The following MAST2 variants were observed in gnomAD, a reference collection of about 807,000 sequenced individuals.
The protein encoded by MAST2 is microtubule-associated serine/threonine-protein kinase 2.
Under a neutral mutation model 147.4 loss-of-function variants are expected in MAST2, and 70 were observed. The ratio of observed to expected loss-of-function variants is 0.47; its 90% confidence interval spans 0.39 to 0.58. The LOEUF is 0.58. Ranked by LOEUF, MAST2 falls within the 20% of genes least tolerant of loss-of-function variation. MAST2 has a pLI of 0.00. For synonymous variants in MAST2, 869 were observed against 896.8 expected, an observed-to-expected ratio of 0.97 and a Z score of 0.55; for missense variants, 2,080 against 2,302.3, an observed-to-expected ratio of 0.90 and a Z score of 1.98.
At chr1:45,830,884 A>AT (rs1465001831) in intron 3 of MAST2, among the ~76,000 whole-genome samples, 3 of 151,976 alleles carry the variant, frequency 2.0e-5, no homozygotes, top group Non-Finnish European at 4.4e-5. Context: ...CATAAAAAAA[A>AT]AATTAGCCGA....
intron 4 of MAST2, among the ~76,000 whole-genome samples, chr1:45,948,686 G>GAC (rs904631970): frequency 1.7e-5 from 2 of 115,568 alleles, no homozygotes; most frequent in African/African-American, 7.0e-5. Context: ...CAGCCTGGGC[G>GAC]ACAGAGTGAG....
rs747841990 is a variant in MAST2, at chr1:46,010,911, A to C, written c.1160A>C (p.Gln387Pro). Residue 387 changes from glutamine (Q) to proline (P), a missense_variant, in exon 10 of 29, where the codon CAA becomes CCA. Physicochemically the swap from Gln to Pro is moderately conservative, Grantham distance 76 (BLOSUM62 -1). Around this residue, in one of 4 missense-constraint regions of MAST2, gnomAD observed 569 missense variants for 642.5 expected, o/e 0.89. Coordinates refer to ENST00000361297, the MANE Select transcript of MAST2 (RefSeq NM_015112.3). ...ACATCACAATACTTCTACGAACTTCAAGATAATTTGGAGAAACTTTTACAA... is the reference window on the plus strand; with the variant it reads ...ACATCACAATACTTCTACGAACTTCCAGATAATTTGGAGAAACTTTTACAA... ...LITSQYFYEL[Q>P]DNLEKLLQDA... 1.2e-6 allele frequency: 2 copies of C among 1,614,126 alleles called. No homozygotes were observed. Among genetic ancestry groups the C allele is most frequent in the Middle Eastern group, 1.6e-4 (1 of 6,062 alleles).
At chr1:45,924,122 G>A (rs1259657425) in intron 4 of MAST2, among the ~76,000 whole-genome samples, 1 of 152,118 alleles carries the variant, frequency 6.6e-6, no homozygotes, top group Non-Finnish European at 1.5e-5. Context: ...GCCCACTTCA[G>A]CCTCCCAAAG....
At chr1:45,966,595 A>T (rs952733492) in intron 5 of MAST2, among the ~76,000 whole-genome samples, 1 of 152,096 alleles carries the variant, frequency 6.6e-6, no homozygotes, top group Non-Finnish European at 1.5e-5. Context: ...GGTGGTGTGC[A>T]CCTGTAATCC....
At chr1:45,990,579 A>C (rs1173312540) in intron 5 of MAST2, among the ~76,000 whole-genome samples, 2 of 152,058 alleles carry the variant, frequency 1.3e-5, no homozygotes, top group African/African-American at 2.4e-5. Context: ...CTACAGCCCA[A>C]GCTCAAATGA....
At chr1:45,905,476 C>T (rs1650535880) in intron 4 of MAST2, among the ~76,000 whole-genome samples, 1 of 151,988 alleles carries the variant, frequency 6.6e-6, no homozygotes. Context: ...CATGTTTAAT[C>T]TTTTAAAAAA....
intron 5 of MAST2, among the ~76,000 whole-genome samples, chr1:45,986,437 C>T (rs939772227): frequency 1.3e-5 from 2 of 151,944 alleles, no homozygotes; most frequent in African/African-American, 2.4e-5. Flanking sequence ...TCGTTTATGC[C>T]GGGCACGGTG....
Position 46,029,896 on chromosome 1 carries a change from C to G in MAST2, c.2386C>G (p.Gln796Glu), listed in dbSNP as rs1305015973. Residue 796 changes from glutamine to glutamate, a missense_variant, in exon 20 of 29, where the codon CAG becomes GAG. Gln to Glu is a conservative substitution (Grantham distance 29, BLOSUM62 2). Around this residue, in one of 4 missense-constraint regions of MAST2, gnomAD observed 1,278 missense variants for 1,304.2 expected, o/e 0.98. Coordinates refer to ENST00000361297, the MANE Select transcript of MAST2 (RefSeq NM_015112.3). ...TCTGGACTGGACAGGACTTCTCCGCCAGAAGGCTGAATTTATTCCTCAGTT... is the reference window on the plus strand; with the variant it reads ...TCTGGACTGGACAGGACTTCTCCGCGAGAAGGCTGAATTTATTCCTCAGTT... ...TGLDWTGLLR[Q>E]KAEFIPQLES... 3.1e-6 allele frequency: 5 copies of G among 1,614,182 alleles called. No homozygotes were observed. The highest frequency in any genetic ancestry group is 3.4e-6 in the Non-Finnish European group (4 of 1,180,028).
At chr1:45,926,129 A>G (rs1654323887) in intron 4 of MAST2, among the ~76,000 whole-genome samples, 1 of 152,184 alleles carries the variant, frequency 6.6e-6, no homozygotes, top group African/African-American at 2.4e-5. Context: ...ACTTGTTCTT[A>G]TCCTGGCCCT....
intron 4 of MAST2, among the ~76,000 whole-genome samples, chr1:45,925,042 C>G (rs1307844998): frequency 1.3e-5 from 2 of 152,198 alleles, no homozygotes; most frequent in Non-Finnish European, 2.9e-5. Context: ...ACCAACACAG[C>G]TATTGAGGCA....
At chr1:45,893,092 C>T (rs963299726) in intron 4 of MAST2, among the ~76,000 whole-genome samples, 3 of 152,040 alleles carry the variant, frequency 2.0e-5, no homozygotes, top group African/African-American at 7.2e-5. Flanking sequence ...TTATAAAACT[C>T]CAGTCCTATA....
chr1:45,889,665 A>C (rs1441066003), intron 4 of MAST2, among the ~76,000 whole-genome samples: 3 of 151,656 alleles, frequency 2.0e-5, no homozygotes, highest in East Asian at 2.0e-4. Flanking sequence ...GAGTACAGTG[A>C]CGCAATCTTG....
intron 4 of MAST2, among the ~76,000 whole-genome samples, chr1:45,902,702 C>G (rs1649989993): frequency 1.3e-5 from 2 of 151,564 alleles, no homozygotes; most frequent in African/African-American, 4.9e-5. Flanking sequence ...CTTCCTGGTT[C>G]ATTCTTAAGA....
chr1:45,846,490 G>C (rs1415543548), intron 3 of MAST2, among the ~76,000 whole-genome samples: 1 of 152,044 alleles, frequency 6.6e-6, no homozygotes, highest in Non-Finnish European at 1.5e-5. Context: ...ATCTATTTTA[G>C]CAACTTAATA....
At chr1:45,999,375 G>A (rs551347085) in intron 6 of MAST2, among the ~76,000 whole-genome samples, 1 of 152,240 alleles carries the variant, frequency 6.6e-6, no homozygotes, top group South Asian at 2.1e-4. Context: ...CAACCCAGCT[G>A]GAAAGACTTA....
intron 4 of MAST2, among the ~76,000 whole-genome samples, chr1:45,936,664 A>G (rs1434290407): frequency 6.6e-6 from 1 of 152,068 alleles, no homozygotes; most frequent in Non-Finnish European, 1.5e-5. Context: ...TACCCCATGA[A>G]AGACTGGCAC....
intron 10 of MAST2, among the ~76,000 whole-genome samples, chr1:46,013,691 A>G (rs1458903003): frequency 6.6e-6 from 1 of 152,072 alleles, no homozygotes; most frequent in African/African-American, 2.4e-5. Context: ...AAAAAAAAAA[A>G]AAAGAAAAGA....
At chr1:45,831,228 A>G (rs534283808) in intron 3 of MAST2, among the ~76,000 whole-genome samples, 148 of 152,160 alleles carry the variant, frequency 9.7e-4, no homozygotes, top group Middle Eastern at 3.4e-3. Context: ...TGTTCCCTCT[A>G]TCCTTAGGTC....
chr1:46,034,481 T>C (rs562375462), intron 28 of MAST2, 57 bp from the exon 29 acceptor site: 166 of 1,546,986 alleles, frequency 1.1e-4, no homozygotes, highest in Non-Finnish European at 1.4e-4. Context: ...TTGAGTCACT[T>C]CTAACAGCTA....
Sources: allele counts gnomAD v4.1 joint callset (sites outside exome capture counted in the v4.1 genomes callset), GRCh38; gene constraint gnomAD v4.1.1; regional missense constraint gnomAD v4.1.1; transcripts MANE v1.5; gene names NCBI Gene and HGNC (gene_info 2026-07-23, HGNC 2026-07-21).